The following CENPT variants were observed in gnomAD, a reference collection of about 807,000 sequenced individuals.
CENPT encodes centromere protein T.
A neutral mutation model predicts 59.7 loss-of-function variants in CENPT; 42 were observed. The observed-to-expected ratio is 0.70, with a 90% CI of 0.55 to 0.91. The LOEUF is 0.91. Among genes scored for constraint, CENPT ranks in the 40% least tolerant of loss-of-function variants. CENPT has a pLI of 0.00. For synonymous variants in CENPT, 295 were observed against 289.6 expected, an observed-to-expected ratio of 1.02 and a Z score of -0.19; for missense variants, 716 against 713.4, an observed-to-expected ratio of 1.00 and a Z score of -0.04.
chr16:67,840,011 T>C (rs981372386), intron 1 of CENPT, among the ~76,000 whole-genome samples: 10 of 151,988 alleles, frequency 6.6e-5, no homozygotes, highest in Admixed American at 6.6e-4. Context: ...TCCAATAATA[T>C]AATTAGAAGT....
In CENPT at chr16:67,843,539, C is replaced by T. The variant is rs1310279397; in HGVS notation, c.-492+3862G>A. ...AGCCTGCTGGACTCCCAGACCCCATCCAGCCAGGGGACCGCAGGCCATTGT... is the reference window on the plus strand; with the variant it reads ...AGCCTGCTGGACTCCCAGACCCCATTCAGCCAGGGGACCGCAGGCCATTGT... On this transcript the variant is annotated intron_variant, in intron 1 of 15. Transcript: ENST00000562787. The surrounding 1 kb of genome is among the most constrained non-coding windows in gnomAD (Gnocchi z 5.7). 6.3e-7 allele frequency: 1 copy of T among 1,575,128 alleles called. No homozygotes were observed. Among genetic ancestry groups the T allele is most frequent in the African/African-American group, 1.3e-5 (1 of 74,372 alleles).
chr16:67,843,584 GGGCACTGGTTGACAGTACTGA>G lies in CENPT; in HGVS notation c.-492+3796_-492+3816del. On this transcript the variant is annotated intron_variant, in intron 1 of 15. Transcript: ENST00000562787. This position sits in a 1 kb window ranked among gnomAD's most constrained non-coding sequence, Gnocchi z 5.7. ...CATTGTTGAACTCCTCTATACTCCT[GGGCACTGGTTGACAGTACTGA>G]GGCTTAAGGCAGCTGGACTCTCTTG... 7.2e-7 allele frequency: 1 copy of G among 1,385,096 alleles called. No individual in the cohort carries two copies. Among genetic ancestry groups the G allele is most frequent in the Non-Finnish European group, 9.8e-7 (1 of 1,019,480 alleles). The allele number at this position is 1,385,096 out of a possible 1,614,324, so 85.8% of individuals were successfully genotyped here. A position where few individuals can be genotyped will look rare whatever the true frequency, so the allele number is the denominator to read the frequency against.
In CENPT at chr16:67,843,681, C is replaced by T. The variant is rs1598151419; in HGVS notation, c.-492+3720G>A. Reference sequence around the variant, plus strand: ...TTCCTCCTGAAGTGGAAGCTGGGGCCTTAGACTCTGCCCTGGTGACACCAG... The same window carrying T: ...TTCCTCCTGAAGTGGAAGCTGGGGCTTTAGACTCTGCCCTGGTGACACCAG... On this transcript the variant is annotated intron_variant, in intron 1 of 15. Transcript: ENST00000562787. This position sits in a 1 kb window ranked among gnomAD's most constrained non-coding sequence, Gnocchi z 5.7. 2 of 616,312 alleles carry T rather than the reference C, an allele frequency of 3.2e-6. No individual in the cohort carries two copies. The highest frequency in any genetic ancestry group is 5.8e-5 in the East Asian group (2 of 34,256). The allele number at this position is 616,312 out of a possible 1,614,324, so 38.2% of individuals were successfully genotyped here.
At chr16:67,831,142 C>T (rs544799142) in intron 10 of CENPT, 74 bp downstream of exon 10, 8 of 1,605,898 alleles carry the variant, frequency 5.0e-6, no homozygotes, top group Non-Finnish European at 6.8e-6. Context: ...GCAACCCTGA[C>T]TCAGCATCAC....
Position 67,841,010 on chromosome 16 carries a change from CATATATATATAT to C in CENPT, c.-491-5364_-491-5353del, listed in dbSNP as rs66882634. On this transcript the variant is annotated intron_variant, in intron 1 of 15. Coordinates refer to ENST00000562787, the MANE Select transcript of CENPT (RefSeq NM_025082.4). ...CCCCGTCTCTACTAAATACAAAATA[CATATATATATAT>C]ATATATATATATATATATATATATT... Among the ~76,000 whole-genome samples, 581 of 109,374 alleles carry C rather than the reference CATATATATATAT, an allele frequency of 5.3e-3. 9 individuals carry two copies. The highest frequency in any genetic ancestry group is 0.016 in the African/African-American group (459 of 28,366). 71.8% of individuals were successfully genotyped at this position (109,374 alleles called of 152,430 possible). A position where few individuals can be genotyped will look rare whatever the true frequency, so the allele number is the denominator to read the frequency against.
At position 67,831,896 on chromosome 16, in the gene CENPT, A is replaced by G; in HGVS notation, c.387-6T>C. On this transcript the variant is annotated splice_polypyrimidine_tract_variant and splice_region_variant and intron_variant, in intron 7 of 15. Transcript: ENST00000562787. ...CAGGAAGTTGCAGCTCCAGGCTATAAGAATGGAGCTTATCTCAGACAGGCC... is the reference window on the plus strand; with the variant it reads ...CAGGAAGTTGCAGCTCCAGGCTATAGGAATGGAGCTTATCTCAGACAGGCC... 1 of 1,610,616 alleles carries G rather than the reference A, an allele frequency of 6.2e-7. No individual in the cohort carries two copies. Among genetic ancestry groups the G allele is most frequent in the Non-Finnish European group, 8.5e-7 (1 of 1,179,010 alleles).
intron 10 of CENPT, 131 bp from the exon 11 acceptor site, chr16:67,830,679 C>T: frequency 1.1e-6 from 1 of 886,634 alleles, no homozygotes; most frequent in Admixed American, 2.8e-5. Flanking sequence ...CTGCATGGGT[C>T]CACCCTGAGT....
At chr16:67,840,520 CA>C (rs2057754300) in intron 1 of CENPT, among the ~76,000 whole-genome samples, 1 of 140,930 alleles carries the variant, frequency 7.1e-6, no homozygotes, top group African/African-American at 2.7e-5. Context: ...CATATTCTCA[CA>C]AGTGTGAGTT....
intron 1 of CENPT, 131 bp downstream of exon 1, chr16:67,847,270 T>C (rs531796709): frequency 3.9e-5 from 6 of 152,430 alleles, no homozygotes; most frequent in Non-Finnish European, 7.3e-5. Flanking sequence ...CCAGGCCTTT[T>C]TCTCTAGTCA....
At position 67,830,878 on chromosome 16, in the gene CENPT, G is replaced by A. The variant is rs2057680710; in HGVS notation, c.704-330C>T. On this transcript the variant is annotated intron_variant, in intron 10 of 15. Transcript: ENST00000562787. ...TCCCAAACCCTCTTCTTACTCTGGT[G>A]AACTTGTTTTCTGCAATCAGGCTCC... 12 of 508,830 alleles carry A rather than the reference G, an allele frequency of 2.4e-5. No individual in the cohort carries two copies. The East Asian group carries it at 4.2e-4, about 18-fold the overall frequency. The allele number at this position is 508,830 out of a possible 1,614,324, so 31.5% of individuals were successfully genotyped here.
At chr16:67,840,271 T>C (rs191115685) in intron 1 of CENPT, among the ~76,000 whole-genome samples, 188 of 152,240 alleles carry the variant, frequency 1.2e-3, no homozygotes, top group Admixed American at 3.5e-3. Flanking sequence ...TGAGCTGAGA[T>C]CGCGCCACTG....
At chr16:67,837,010 G>A (rs2057738024) in intron 1 of CENPT, among the ~76,000 whole-genome samples, 1 of 152,006 alleles carries the variant, frequency 6.6e-6, no homozygotes, top group Non-Finnish European at 1.5e-5. Context: ...CAAAGTGCTG[G>A]GATTACAGGC....
chr16:67,844,999 G>C (rs1380944503), intron 1 of CENPT, among the ~76,000 whole-genome samples: 1 of 152,060 alleles, frequency 6.6e-6, no homozygotes, highest in Admixed American at 6.6e-5. Context: ...ATGTTGGCCA[G>C]GCTGGTCTCG....
In CENPT at chr16:67,843,609, T is replaced by A. The variant is rs1231778453; in HGVS notation, c.-492+3792A>T. ...GGGCACTGGTTGACAGTACTGAGGC[T>A]TAAGGCAGCTGGACTCTCTTGCTGG... On this transcript the variant is annotated intron_variant, in intron 1 of 15. Coordinates refer to ENST00000562787, the MANE Select transcript of CENPT (RefSeq NM_025082.4). This position sits in a 1 kb window ranked among gnomAD's most constrained non-coding sequence, Gnocchi z 5.7. The A allele has an allele frequency of 8.9e-7, 1 of 1,128,540 alleles. No homozygotes were observed. The highest frequency in any genetic ancestry group is 1.2e-6 in the Non-Finnish European group (1 of 803,610). The allele number at this position is 1,128,540 out of a possible 1,614,324, so 69.9% of individuals were successfully genotyped here.
At position 67,831,735 on chromosome 16, in the gene CENPT, G is replaced by C; in HGVS notation, c.523+19C>G. ...GGACAGGAGGGAGAGGGTAGCAAAAGTGGTGTCCAGGGCCTCACCTTGGGA... is the reference window on the plus strand; with the variant it reads ...GGACAGGAGGGAGAGGGTAGCAAAACTGGTGTCCAGGGCCTCACCTTGGGA... On this transcript the variant is annotated intron_variant, in intron 8 of 15. Coordinates refer to ENST00000562787, the MANE Select transcript of CENPT (RefSeq NM_025082.4). 1 of 1,581,986 alleles carries C rather than the reference G, an allele frequency of 6.3e-7. No homozygotes were observed. Among genetic ancestry groups the C allele is most frequent in the Non-Finnish European group, 8.6e-7 (1 of 1,164,668 alleles).
chr16:67,828,866 G>T (rs541709074), intron 13 of CENPT, 23 bp from the exon 14 acceptor site: 1 of 1,557,530 alleles, frequency 6.4e-7, no homozygotes. Flanking sequence ...GTGGACAGAG[G>T]GGGCTGAACT....
chr16:67,843,705 A>G lies in CENPT; in HGVS notation c.-492+3696T>C. On this transcript the variant is annotated intron_variant, in intron 1 of 15. Transcript: ENST00000562787. This position sits in a 1 kb window ranked among gnomAD's most constrained non-coding sequence, Gnocchi z 5.7. ...CCTTAGACTCTGCCCTGGTGACACC[A>G]GCAATTATGACTTTGTCTACCCTTC... 1 of 538,914 alleles carries G rather than the reference A, an allele frequency of 1.9e-6. No individual in the cohort carries two copies. Among genetic ancestry groups the G allele is most frequent in the Non-Finnish European group, 3.3e-6 (1 of 299,480 alleles). 33.4% of individuals were successfully genotyped at this position (538,914 alleles called of 1,614,324 possible). A position where few individuals can be genotyped will look rare whatever the true frequency, so the allele number is the denominator to read the frequency against.
chr16:67,838,740 A>G (rs533661670), intron 1 of CENPT, among the ~76,000 whole-genome samples: 10 of 151,844 alleles, frequency 6.6e-5, no homozygotes, highest in Non-Finnish European at 1.5e-4. Context: ...AGTCTGGCCA[A>G]CATAGTGAAA....
At position 67,842,707 on chromosome 16, in the gene CENPT, C is replaced by G; in HGVS notation, c.-492+4694G>C. 1 of 1,602,044 alleles carries G rather than the reference C, an allele frequency of 6.2e-7. No individual in the cohort carries two copies. The highest frequency in any genetic ancestry group is 8.5e-7 in the Non-Finnish European group (1 of 1,174,360). On this transcript the variant is annotated intron_variant, in intron 1 of 15. Coordinates refer to ENST00000562787, the MANE Select transcript of CENPT (RefSeq NM_025082.4). This position sits in a 1 kb window ranked among gnomAD's most constrained non-coding sequence, Gnocchi z 4.9. ...CCGGCGTCAGTGGGTGCTTCTCCAC[C>G]TTCCAGCCCACCACAGGCCACCGTC...
Sources: gnomAD v4.1 joint callset for allele counts (sites outside exome capture counted in the v4.1 genomes callset) on GRCh38, gnomAD v4.1.1 for gene constraint, Gnocchi (gnomAD v3.1) non-coding constraint, MANE v1.5 for transcripts, NCBI Gene and HGNC (gene_info 2026-07-23, HGNC 2026-07-21) for gene names.